Variants in NADSYN1 observed in about 807,000 individuals in gnomAD.
NADSYN1 encodes the protein NAD synthetase 1.
In NADSYN1, 80 loss-of-function variants were observed where a neutral mutation model predicts 99.3. That is an observed-to-expected ratio of 0.81 (90% CI 0.67 to 0.97). The LOEUF (loss-of-function observed/expected upper bound fraction) is 0.97. NADSYN1 is among the 50% of genes least tolerant of loss of function. NADSYN1 has a pLI of 0.00. For synonymous variants in NADSYN1, 385 were observed against 372.1 expected, an observed-to-expected ratio of 1.03 and a Z score of -0.40; for missense variants, 859 against 948.5, an observed-to-expected ratio of 0.91 and a Z score of 1.24.
In NADSYN1 at chr11:71,458,517, C is replaced by G. The variant is rs1308744695; in HGVS notation, c.236C>G (p.Thr79Ser). Residue 79 changes from threonine (T) to serine (S), a missense_variant, in exon 3 of 21, where the codon ACT becomes AGT. Coordinates refer to ENST00000319023, the MANE Select transcript of NADSYN1 (RefSeq NM_018161.5). ...VLAALVESPV[T>S]QDIICDVGMP... ...GCGGCCCTTGTGGAGTCTCCCGTCACTCAGGACATCATCTGCGACGTGGGG... is the reference window on the plus strand; with the variant it reads ...GCGGCCCTTGTGGAGTCTCCCGTCAGTCAGGACATCATCTGCGACGTGGGG... 6.2e-7 allele frequency: 1 copy of G among 1,612,056 alleles called. No homozygotes were observed. The highest frequency in any genetic ancestry group is 8.5e-7 in the Non-Finnish European group (1 of 1,178,084).
At chr11:71,458,401 G>T in intron 2 of NADSYN1, 27 bp from the exon 3 acceptor site, 2 of 1,575,962 alleles carry the variant, frequency 1.3e-6, no homozygotes, top group Middle Eastern at 1.7e-4. Flanking sequence ...GTTGTTTCTG[G>T]AGCTCACCTT....
intron 5 of NADSYN1, among the ~76,000 whole-genome samples, chr11:71,471,637 C>T (rs938010143): frequency 4.6e-5 from 7 of 152,168 alleles, no homozygotes; most frequent in African/African-American, 7.2e-5. Context: ...GCAGCATCGC[C>T]GTCAACAGGC....
At chr11:71,464,679 A>T (rs1949575402) in intron 5 of NADSYN1, among the ~76,000 whole-genome samples, 1 of 152,046 alleles carries the variant, frequency 6.6e-6, no homozygotes, top group African/African-American at 2.4e-5. Flanking sequence ...CATCCTGGCT[A>T]ACACGGTGAA....
At chr11:71,463,561 GT>G in intron 4 of NADSYN1, 76 bp downstream of exon 4, 1 of 1,424,322 alleles carries the variant, frequency 7.0e-7, no homozygotes, top group South Asian at 1.2e-5. Flanking sequence ...GCCAGGACCC[GT>G]GCTGGTGCCC....
chr11:71,480,989 G>T, intron 11 of NADSYN1, 110 bp downstream of exon 11: 2 of 1,469,468 alleles, frequency 1.4e-6, no homozygotes, highest in Non-Finnish European at 1.8e-6. Flanking sequence ...CCTGGGTGGG[G>T]ACTTGCAGAA....
At chr11:71,457,839 C>T (rs1395873093) in intron 2 of NADSYN1, among the ~76,000 whole-genome samples, 3 of 152,160 alleles carry the variant, frequency 2.0e-5, no homozygotes, top group Admixed American at 6.5e-5. Context: ...TTTAGGCCCC[C>T]CTGCAAAAGC....
At chr11:71,457,076 C>T (rs1312348310) in intron 2 of NADSYN1, among the ~76,000 whole-genome samples, 7 of 152,238 alleles carry the variant, frequency 4.6e-5, no homozygotes, top group Admixed American at 6.5e-5. Flanking sequence ...GCTGACTCAC[C>T]GAAGGGGTGA....
At chr11:71,477,771 C>G (rs1466631970) in intron 9 of NADSYN1, among the ~76,000 whole-genome samples, 2 of 152,208 alleles carry the variant, frequency 1.3e-5, no homozygotes, top group Non-Finnish European at 2.9e-5. Context: ...CCTCTGCCCT[C>G]CCCCAGCTCC....
chr11:71,461,198 A>G (rs1275090159), intron 3 of NADSYN1, among the ~76,000 whole-genome samples: 1 of 152,078 alleles, frequency 6.6e-6, no homozygotes, highest in Non-Finnish European at 1.5e-5. Flanking sequence ...ACGTAGTGAA[A>G]GCGCCGCCCT....
intron 3 of NADSYN1, 113 bp downstream of exon 3, chr11:71,458,657 T>C: frequency 1.3e-6 from 1 of 760,716 alleles, no homozygotes; most frequent in Non-Finnish European, 2.3e-6. Flanking sequence ...TGTCCAGGGA[T>C]ACGAAAGGCC....
intron 14 of NADSYN1, among the ~76,000 whole-genome samples, 195 bp downstream of exon 14, chr11:71,483,212 G>T (rs2120480356): frequency 6.6e-6 from 1 of 152,246 alleles, no homozygotes; most frequent in Admixed American, 6.5e-5. Flanking sequence ...AGACCAGTTT[G>T]TTTCTCCTGT....
intron 16 of NADSYN1, 128 bp downstream of exon 16, chr11:71,485,776 C>CCAGG: frequency 1.4e-6 from 1 of 694,084 alleles, no homozygotes; most frequent in Non-Finnish European, 2.3e-6. Context: ...TGACATCATT[C>CCAGG]CTCTAGAATT....
chr11:71,471,489 GAGC>G (rs1314073203), intron 5 of NADSYN1, among the ~76,000 whole-genome samples: 1 of 152,248 alleles, frequency 6.6e-6, no homozygotes, highest in East Asian at 1.9e-4. Flanking sequence ...CTGCAGTGAG[GAGC>G]AAGGCCGGGT....
At position 71,462,486 on chromosome 11, in the gene NADSYN1, T is replaced by C. The variant is rs989666366; in HGVS notation, c.264-946T>C. 2.6e-5 allele frequency among the ~76,000 whole-genome samples: 4 copies of C among 152,176 alleles called. No homozygotes were observed. The South Asian group carries it at 8.3e-4, about 32-fold the overall frequency. On this transcript the variant is annotated intron_variant, in intron 3 of 20. Transcript: ENST00000319023. ...TCGAGCAGTGCCCATCTTGTATGTA[T>C]TGAGTGACGTCTTCTGTCTCCCTGA...
intron 18 of NADSYN1, among the ~76,000 whole-genome samples, chr11:71,494,793 G>A (rs1445925511): frequency 6.6e-6 from 1 of 152,160 alleles, no homozygotes; most frequent in East Asian, 1.9e-4. Context: ...GACCTCAGGT[G>A]ATCCACCCAC....
At chr11:71,478,568 C>A in intron 10 of NADSYN1, 99 bp downstream of exon 10, 1 of 1,086,266 alleles carries the variant, frequency 9.2e-7, no homozygotes, top group Non-Finnish European at 1.4e-6. Flanking sequence ...GGTGCAGTGC[C>A]TGAAAAGTCT....
intron 7 of NADSYN1, 74 bp downstream of exon 7, chr11:71,473,440 C>A (rs980389827): frequency 3.2e-6 from 5 of 1,558,638 alleles, no homozygotes; most frequent in Non-Finnish European, 4.4e-6. Context: ...GGACTGCAGA[C>A]GTCCTGGGGC....
chr11:71,454,794 G>C (rs372546857), intron 1 of NADSYN1, among the ~76,000 whole-genome samples: 1 of 152,018 alleles, frequency 6.6e-6, no homozygotes, highest in Non-Finnish European at 1.5e-5. Flanking sequence ...CTCTTCCTCC[G>C]CCTCCTCCAT....
At chr11:71,474,852 C>G in intron 9 of NADSYN1, 2 of 373,308 alleles carry the variant, frequency 5.4e-6, no homozygotes, top group Non-Finnish European at 1.0e-5. Flanking sequence ...GCCCTCGGGT[C>G]TGGAGACAGC....
Sources: gnomAD v4.1 joint callset for allele counts (sites outside exome capture counted in the v4.1 genomes callset) on GRCh38, gnomAD v4.1.1 for gene constraint, MANE v1.5 for transcripts, NCBI Gene and HGNC (gene_info 2026-07-23, HGNC 2026-07-21) for gene names.